Variants in NAALADL2 observed in about 807,000 individuals in gnomAD.
NAALADL2 encodes N-acetylated alpha-linked acidic dipeptidase like 2.
A neutral mutation model predicts 87.2 loss-of-function variants in NAALADL2; 76 were observed. The ratio of observed to expected loss-of-function variants is 0.87; its 90% confidence interval spans 0.72 to 1.05. The LOEUF (loss-of-function observed/expected upper bound fraction) is 1.05. Among genes scored for constraint, NAALADL2 ranks in the 50% least tolerant of loss-of-function variants. NAALADL2 has a pLI of 0.00. For missense variants in NAALADL2, 1,089 were observed against 945.8 expected (o/e 1.15, Z -1.99); for synonymous variants, 354 against 331.0 (o/e 1.07, Z -0.75).
chr3:174,746,708 A>C (rs993129117), intron 3 of NAALADL2, among the ~76,000 whole-genome samples: 4 of 152,230 alleles, frequency 2.6e-5, no homozygotes, highest in African/African-American at 9.6e-5. Context: ...TAACCAAAAC[A>C]GCATGGTACT....
At chr3:175,737,266 T>TTTA (rs772096753) in intron 11 of NAALADL2, 40 bp from the exon 12 acceptor site, 79 of 1,155,590 alleles carry the variant, frequency 6.8e-5, no homozygotes, top group Non-Finnish European at 1.2e-5. Flanking sequence ...AACTCCTAAT[T>TTTA]ACTGAATGCT....
chr3:175,302,500 G>A (rs1477483988), intron 4 of NAALADL2, among the ~76,000 whole-genome samples: 2 of 151,984 alleles, frequency 1.3e-5, no homozygotes, highest in Admixed American at 6.6e-5. Flanking sequence ...TGCTTTCTTC[G>A]AGGAAATGCA....
At chr3:174,921,211 C>A (rs1352819651) in intron 1 of NAALADL2, among the ~76,000 whole-genome samples, 1 of 152,066 alleles carries the variant, frequency 6.6e-6, no homozygotes, top group African/African-American at 2.4e-5. Context: ...CTAAAAAACA[C>A]AATGTGTTTT....
At chr3:175,037,948 C>T (rs958368055) in intron 1 of NAALADL2, among the ~76,000 whole-genome samples, 7 of 152,028 alleles carry the variant, frequency 4.6e-5, no homozygotes, top group Admixed American at 2.0e-4. Context: ...AGGAAGGGAG[C>T]GTGGATTTAA....
At chr3:175,501,245 T>A in intron 9 of NAALADL2, among the ~76,000 whole-genome samples, 1 of 152,130 alleles carries the variant, frequency 6.6e-6, no homozygotes, top group East Asian at 1.9e-4. Flanking sequence ...GTTCATATAT[T>A]TGAATCAAGA....
At chr3:175,704,040 A>C (rs1173755237) in intron 11 of NAALADL2, among the ~76,000 whole-genome samples, 1 of 152,088 alleles carries the variant, frequency 6.6e-6, no homozygotes, top group East Asian at 1.9e-4. Context: ...AAGAAAAGAT[A>C]ATTTTGATGA....
intron 3 of NAALADL2, among the ~76,000 whole-genome samples, chr3:174,845,919 C>T (rs552123763): frequency 3.3e-5 from 5 of 152,130 alleles, no homozygotes; most frequent in Non-Finnish European, 5.9e-5. Context: ...CAGGGCAGGA[C>T]GCGTTGCACC....
At chr3:175,575,838 A>G (rs904267150) in intron 9 of NAALADL2, among the ~76,000 whole-genome samples, 1 of 152,162 alleles carries the variant, frequency 6.6e-6, no homozygotes, top group Non-Finnish European at 1.5e-5. Context: ...GAGCGTCAGA[A>G]TCAAAGAGGA....
At chr3:174,769,511 A>C (rs537269158) in intron 3 of NAALADL2, among the ~76,000 whole-genome samples, 12 of 151,944 alleles carry the variant, frequency 7.9e-5, no homozygotes, top group Admixed American at 7.2e-4. Flanking sequence ...AATATTTTAA[A>C]GGGAGAAAGC....
rs191168241 is a variant in NAALADL2 at position 174,812,625 on chromosome 3, A to C, written c.-9+74879A>C. On this transcript the variant is annotated intron_variant, in intron 3 of 3. Transcript: ENST00000434257. ...TTCAAGAGGTATTCCAAAAGAAGGC[A>C]TTGTTTTCATAGGAGATAACAGGTC... 1.9e-3 allele frequency among the ~76,000 whole-genome samples: 290 copies of C among 152,232 alleles called. 2 individuals carry two copies. Among genetic ancestry groups the C allele is most frequent in the Admixed American group, 0.017 (256 of 15,274 alleles).
intron 2 of NAALADL2, among the ~76,000 whole-genome samples, chr3:174,658,322 A>G (rs904444931): frequency 1.3e-5 from 2 of 152,080 alleles, no homozygotes; most frequent in African/African-American, 4.8e-5. Context: ...CTAGTGATGT[A>G]TAGTAGTATA....
At chr3:175,700,959 G>C (rs1300930109) in intron 11 of NAALADL2, among the ~76,000 whole-genome samples, 1 of 152,056 alleles carries the variant, frequency 6.6e-6, no homozygotes, top group Non-Finnish European at 1.5e-5. Context: ...GGGAATATTG[G>C]TAATGAAATG....
chr3:174,712,948 C>A (rs1339929939), intron 2 of NAALADL2, among the ~76,000 whole-genome samples: 1 of 151,948 alleles, frequency 6.6e-6, no homozygotes, highest in Non-Finnish European at 1.5e-5. Context: ...TGCTATGCCT[C>A]CCCCCTCCCC....
intron 11 of NAALADL2, among the ~76,000 whole-genome samples, chr3:175,716,660 T>A (rs1561025503): frequency 6.6e-6 from 1 of 152,070 alleles, no homozygotes; most frequent in Non-Finnish European, 1.5e-5. Context: ...AGAGGGAAAG[T>A]GGCTCAAAGT....
chr3:175,414,919 C>G (rs1714296263), intron 5 of NAALADL2, among the ~76,000 whole-genome samples: 1 of 152,142 alleles, frequency 6.6e-6, no homozygotes, highest in Admixed American at 6.5e-5. Flanking sequence ...AGTTCTCCTT[C>G]TGGGACACTA....
intron 1 of NAALADL2, among the ~76,000 whole-genome samples, chr3:174,914,984 G>A (rs538597401): frequency 6.6e-6 from 1 of 152,172 alleles, no homozygotes; most frequent in East Asian, 1.9e-4. Flanking sequence ...TTACTTGATA[G>A]ACTTAAATTT....
rs1560225412 is a variant in NAALADL2, at chr3:174,787,582, T to TATATATATATATATATATAC, written c.-9+49855_-9+49856insCATATATATATATATATATA. Among the ~76,000 whole-genome samples, 59 of 47,932 alleles carry TATATATATATATATATATAC rather than the reference T, an allele frequency of 1.2e-3. 6 individuals carry two copies. The highest frequency in any genetic ancestry group is 2.3e-3 in the East Asian group (3 of 1,298). 31.4% of individuals were successfully genotyped at this position (47,932 alleles called of 152,430 possible). A position where few individuals can be genotyped will look rare whatever the true frequency, so the allele number is the denominator to read the frequency against. ...GAAGAAGGCAATATATCATCATATA[T>TATATATATATATATATATAC]ATATATATATATATATATATATATA... On this transcript the variant is annotated intron_variant, in intron 3 of 3. Coordinates refer to the NAALADL2 transcript ENST00000434257.
chr3:175,090,864 T>TGTC (rs1719970723), intron 1 of NAALADL2, among the ~76,000 whole-genome samples: 5 of 151,158 alleles, frequency 3.3e-5, no homozygotes, highest in African/African-American at 9.7e-5. Context: ...AACAAATAAT[T>TGTC]ATTTCTTTTA....
rs187686171 is a variant in NAALADL2 at position 175,072,362 on chromosome 3, T to C, written c.44-24428T>C. ...TTAAAGTCATGATGTAAATTCTTAATAAATGCTAGTTGTTATTTTTATAGT... is the reference window on the plus strand; with the variant it reads ...TTAAAGTCATGATGTAAATTCTTAACAAATGCTAGTTGTTATTTTTATAGT... On this transcript the variant is annotated intron_variant, in intron 1 of 13. Coordinates refer to ENST00000454872, the MANE Select transcript of NAALADL2 (RefSeq NM_207015.3). Among the ~76,000 whole-genome samples, 318 of 149,640 alleles carry C rather than the reference T, an allele frequency of 2.1e-3. 1 individual carries two copies. Among genetic ancestry groups the C allele is most frequent in the African/African-American group, 7.6e-3 (308 of 40,680 alleles).
Sources: gnomAD v4.1 joint callset for allele counts (sites outside exome capture counted in the v4.1 genomes callset) on GRCh38, gnomAD v4.1.1 for gene constraint, MANE v1.5 for transcripts, NCBI Gene and HGNC (gene_info 2026-07-23, HGNC 2026-07-21) for gene names.